RIC3: variants seen among roughly 807,000 people sequenced by gnomAD.
The protein encoded by RIC3 is RIC3 acetylcholine receptor chaperone, also known as protein RIC-3.
In RIC3, 28 loss-of-function variants were observed where a neutral mutation model predicts 27.3. That is an observed-to-expected ratio of 1.02 (90% CI 0.76 to 1.41). The LOEUF (loss-of-function observed/expected upper bound fraction) is 1.41. Ranked by LOEUF, RIC3 falls within the 40% of genes most tolerant of loss-of-function variation. The pLI is 0.00. For missense variants in RIC3, 501 were observed against 444.7 expected (o/e 1.13, Z -1.14); for synonymous variants, 184 against 160.4 (o/e 1.15, Z -1.11).
intron 1 of RIC3, among the ~76,000 whole-genome samples, chr11:8,148,547 A>C (rs1440567002): frequency 1.3e-5 from 2 of 152,226 alleles, no homozygotes; most frequent in Admixed American, 6.5e-5. Flanking sequence ...AAACAAAAAA[A>C]TTAAAAATTA....
intron 4 of RIC3, among the ~76,000 whole-genome samples, chr11:8,134,734 C>T (rs1948160143): frequency 6.6e-6 from 1 of 152,168 alleles, no homozygotes; most frequent in Non-Finnish European, 1.5e-5. Flanking sequence ...ATTTGCATTT[C>T]TCTGATGGCC....
intron 1 of RIC3, among the ~76,000 whole-genome samples, chr11:8,141,258 C>T (rs1187744648): frequency 6.6e-6 from 1 of 151,920 alleles, no homozygotes; most frequent in Non-Finnish European, 1.5e-5. Context: ...AGTCAAGACC[C>T]AACAGTGTGC....
chr11:8,162,629 C>CTAT (rs1951276796), intron 1 of RIC3, among the ~76,000 whole-genome samples: 1 of 83,706 alleles, frequency 1.2e-5, no homozygotes, highest in East Asian at 4.2e-4. Context: ...CATGCTTCTT[C>CTAT]TTTTTTTTTT....
the RIC3 span, chr11:8,097,092 A>T: frequency 8.2e-6 from 8 of 978,612 alleles, no homozygotes; most frequent in African/African-American, 9.7e-5. Flanking sequence ...CCCCAGGCCC[A>T]GGCTGGCCAG....
chr11:8,159,160 A>AGAAG (rs2134245442), intron 1 of RIC3, among the ~76,000 whole-genome samples: 1 of 152,344 alleles, frequency 6.6e-6, no homozygotes, highest in South Asian at 2.1e-4. Flanking sequence ...GAATGGCCAG[A>AGAAG]GAAGGCATCA....
the RIC3 span, among the ~76,000 whole-genome samples, chr11:8,099,691 TAAG>T: frequency 6.6e-6 from 1 of 152,100 alleles, no homozygotes; most frequent in Non-Finnish European, 1.5e-5. Context: ...TTATAAACAC[TAAG>T]AAGAAAAAGT....
At chr11:8,153,698 C>T (rs774526338) in intron 1 of RIC3, among the ~76,000 whole-genome samples, 6 of 152,098 alleles carry the variant, frequency 3.9e-5, no homozygotes, top group Non-Finnish European at 7.4e-5. Flanking sequence ...AAAATGTGTA[C>T]TTCTAGTTCT....
At chr11:8,162,622 GCTT>G (rs1951273289) in intron 1 of RIC3, among the ~76,000 whole-genome samples, 2 of 138,624 alleles carry the variant, frequency 1.4e-5, no homozygotes, top group South Asian at 2.3e-4. Context: ...AAGGCTCCAT[GCTT>G]CTTCTTTTTT....
At chr11:8,158,397 G>A (rs1368680265) in intron 1 of RIC3, among the ~76,000 whole-genome samples, 1 of 152,014 alleles carries the variant, frequency 6.6e-6, no homozygotes, top group Non-Finnish European at 1.5e-5. Context: ...AACACCAAAG[G>A]TTCCCAGCCA....
chr11:8,130,830 A>C (rs1166154557), intron 4 of RIC3, among the ~76,000 whole-genome samples: 1 of 152,188 alleles, frequency 6.6e-6, no homozygotes, highest in Admixed American at 6.5e-5. Context: ...AAAAAGGTAC[A>C]GGTATTTTAG....
chr11:8,140,141 A>T lies in RIC3; in HGVS notation c.177T>A (p.Asp59Glu). Residue 59 changes from aspartate (D) to glutamate (E), a missense_variant, in exon 2 of 6, where the codon GAT (aspartate) becomes GAA (glutamate). Transcript: ENST00000309737. Reference sequence around the variant, plus strand: ...GGAAACGAGCCCCAGGAGTCTGGCCATCTGAGGGTGCCTGGTGATGATGCA... The same window carrying T: ...GGAAACGAGCCCCAGGAGTCTGGCCTTCTGAGGGTGCCTGGTGATGATGCA... ...PMMHHHQAPS[D>E]GQTPGARFQR... The T allele has an allele frequency of 1.2e-6, 2 of 1,614,112 alleles. No homozygotes were observed. Among genetic ancestry groups the T allele is most frequent in the Non-Finnish European group, 1.7e-6 (2 of 1,180,020 alleles).
rs202021657 is a variant in RIC3, at chr11:8,168,901, C to T, written c.89G>A (p.Arg30His). ...CGGCGGCGGCTCCTGCCGCTTCCCGCGGGACAGGAAGGCCTTGGGCAGCAG... is the reference window on the plus strand; with the variant it reads ...CGGCGGCGGCTCCTGCCGCTTCCCGTGGGACAGGAAGGCCTTGGGCAGCAG... The part of the protein sequence containing the change: ...SLLLPKAFLS[R>H]GKRQEPPPTP... The change falls in exon 1 of 6, where the codon CGC (arginine) becomes CAC (histidine). Residue 30 changes from arginine (R) to histidine (H), a missense_variant. Transcript: ENST00000309737. The T allele has an allele frequency of 5.9e-5, 95 of 1,611,358 alleles. No individual in the cohort carries two copies. Among genetic ancestry groups the T allele is most frequent in the Middle Eastern group, 1.7e-4 (1 of 6,056 alleles).
At chr11:8,130,896 A>G (rs1947608346) in intron 4 of RIC3, among the ~76,000 whole-genome samples, 1 of 152,180 alleles carries the variant, frequency 6.6e-6, no homozygotes, top group Admixed American at 6.5e-5. Flanking sequence ...GAAGAAAGAT[A>G]AAGCAAGAGA....
chr11:8,116,949 T>G (rs540018888), intron 5 of RIC3, among the ~76,000 whole-genome samples: 1 of 152,188 alleles, frequency 6.6e-6, no homozygotes, highest in Non-Finnish European at 1.5e-5. Context: ...CAAAAAGATA[T>G]CTGCACTCCC....
chr11:8,139,905 A>G (rs763860839), intron 2 of RIC3, 62 bp downstream of exon 2: 117 of 1,429,596 alleles, frequency 8.2e-5, no homozygotes, highest in Non-Finnish European at 1.0e-4. Context: ...AATGTAGACA[A>G]TGATTTTTAT....
intron 1 of RIC3, among the ~76,000 whole-genome samples, chr11:8,159,347 A>G (rs10839984): frequency 0.26 from 39,579 of 152,164 alleles, 5,238 homozygotes; most frequent in East Asian, 0.44. Context: ...AGTGAGACAG[A>G]TAGAAAAGTA....
intron 1 of RIC3, among the ~76,000 whole-genome samples, chr11:8,146,192 T>A (rs11041767): frequency 0.49 from 74,127 of 152,124 alleles, 20,072 homozygotes; most frequent in African/African-American, 0.73. Flanking sequence ...GAGTGAATAC[T>A]AATATGGAAT....
chr11:8,097,630 G>C, the RIC3 span: 1 of 1,355,364 alleles, frequency 7.4e-7, no homozygotes. Context: ...CTGACGCAAC[G>C]GAGAGAGTCT....
At chr11:8,101,115 G>A (rs1271573598), downstream of RIC3, 15 of 1,239,148 alleles carry the variant, frequency 1.2e-5, no homozygotes, top group South Asian at 4.4e-5. Context: ...GAGCTATACA[G>A]CTAAGGTTAG....
Sources: gnomAD v4.1 joint callset for allele counts (sites outside exome capture counted in the v4.1 genomes callset) on GRCh38, gnomAD v4.1.1 for gene constraint, MANE v1.5 for transcripts, NCBI Gene and HGNC (gene_info 2026-07-23, HGNC 2026-07-21) for gene names.